NCOR2: variants seen among roughly 807,000 people sequenced by gnomAD.
NCOR2 encodes the protein nuclear receptor corepressor 2.
Under a neutral mutation model 262.9 loss-of-function variants are expected in NCOR2, and 81 were observed. The observed-to-expected ratio is 0.31, with a 90% CI of 0.26 to 0.37. The LOEUF is 0.37. Ranked by LOEUF, NCOR2 falls within the 10% of genes least tolerant of loss-of-function variation. The pLI is 1.00. For synonymous variants in NCOR2, 1,659 were observed against 1,559.3 expected, an observed-to-expected ratio of 1.06 and a Z score of -1.51; for missense variants, 3,385 against 3,621.4, an observed-to-expected ratio of 0.93 and a Z score of 1.68.
rs536397564 is a variant in NCOR2, at chr12:124,518,861, C to T, written c.-118+16704G>A. ...GCCGCACCTGCACCTCCAACCTGAG[C>T]GTAGCTCTGGCGCCTTGGCTCCGGC... On this transcript the variant is annotated intron_variant, in intron 1 of 46. Coordinates refer to the NCOR2 transcript ENST00000404621. Among the ~76,000 whole-genome samples the T allele has an allele frequency of 2.5e-4, 38 of 152,326 alleles. 1 individual carries two copies. In the South Asian group the frequency reaches 7.0e-3, roughly 28 times the overall value.
At chr12:124,391,872 C>T (rs2041331508) in intron 16 of NCOR2, among the ~76,000 whole-genome samples, 1 of 152,248 alleles carries the variant, frequency 6.6e-6, no homozygotes, top group South Asian at 2.1e-4. Flanking sequence ...TGCCACGTTA[C>T]ACCTTTCAAT....
At chr12:124,407,495 G>A (rs942398306) in intron 13 of NCOR2, among the ~76,000 whole-genome samples, 10 of 152,162 alleles carry the variant, frequency 6.6e-5, no homozygotes, top group African/African-American at 1.4e-4. Context: ...TTCTGAGGGC[G>A]GTGGGAGCCC....
intron 17 of NCOR2, among the ~76,000 whole-genome samples, chr12:124,384,036 AGGGGAGGCGG>A (rs752556440): frequency 5.1e-4 from 75 of 148,398 alleles, no homozygotes; most frequent in Admixed American, 8.7e-4. Flanking sequence ...AGCCCCAGAG[AGGGGAGGCGG>A]GGGGAGGAGA....
At chr12:124,373,065 G>A (rs2039628758) in intron 19 of NCOR2, among the ~76,000 whole-genome samples, 1 of 152,258 alleles carries the variant, frequency 6.6e-6, no homozygotes, top group Admixed American at 6.5e-5. Flanking sequence ...TGCAGAACGG[G>A]AGAACAATAG....
At position 124,335,010 on chromosome 12, in the gene NCOR2, G is replaced by A. The variant is rs1329834322; in HGVS notation, c.6411+125C>T. ...CACCCACGCCCTGGATCCCCCCAGC[G>A]CCATGCCCTGGATCCCCCAGCCACC... is the stretch of plus-strand genomic sequence containing the variant. On this transcript the variant is annotated intron_variant, in intron 40 of 46. Coordinates refer to ENST00000405201, the Ensembl canonical transcript of NCOR2. The A allele has an allele frequency of 1.2e-5, 18 of 1,443,914 alleles. No individual in the cohort carries two copies. The East Asian group carries it at 1.6e-4, about 13-fold the overall frequency. 89.4% of individuals were successfully genotyped at this position (1,443,914 alleles called of 1,614,324 possible). A position where few individuals can be genotyped will look rare whatever the true frequency, so the allele number is the denominator to read the frequency against.
intron 22 of NCOR2, among the ~76,000 whole-genome samples, chr12:124,359,071 G>A (rs2038274613): frequency 6.6e-6 from 1 of 152,224 alleles, no homozygotes; most frequent in Non-Finnish European, 1.5e-5. Flanking sequence ...TTTCAGGCCT[G>A]GGGAGATCCT....
At chr12:124,451,333 A>C (rs1044091943) in intron 6 of NCOR2, among the ~76,000 whole-genome samples, 1 of 152,224 alleles carries the variant, frequency 6.6e-6, no homozygotes, top group Non-Finnish European at 1.5e-5. Context: ...TGCTGCTTCA[A>C]GCCTCTAAAT....
At chr12:124,340,719 G>C (rs766988402) in exon 35 of NCOR2, 1 of 1,545,438 alleles carries the variant, frequency 6.5e-7, no homozygotes, top group African/African-American at 1.4e-5. Context: ...ACGAGCACAG[G>C]CAGGTGTGGC....
At chr12:124,380,990 C>T (rs898529026) in intron 17 of NCOR2, among the ~76,000 whole-genome samples, 8 of 152,300 alleles carry the variant, frequency 5.3e-5, no homozygotes, top group Middle Eastern at 3.4e-3. Context: ...TAAGCACCTA[C>T]TATGCGCCAA....
chr12:124,456,101 C>T (rs2045837120), intron 6 of NCOR2, among the ~76,000 whole-genome samples: 4 of 152,260 alleles, frequency 2.6e-5, no homozygotes, highest in Admixed American at 2.0e-4. Context: ...ATCTCAAATT[C>T]CTGGCTTCAT....
intron 17 of NCOR2, among the ~76,000 whole-genome samples, chr12:124,384,530 C>T (rs1234695421): frequency 2.0e-5 from 3 of 152,188 alleles, no homozygotes; most frequent in East Asian, 1.9e-4. Context: ...GCCCCTCGGT[C>T]CCGGAGCCAC....
At chr12:124,384,060 A>G (rs2040611844) in intron 17 of NCOR2, among the ~76,000 whole-genome samples, 1 of 152,044 alleles carries the variant, frequency 6.6e-6, no homozygotes. Context: ...GAGGAGAGAG[A>G]AAGTGAAAGG....
rs187023910 is a variant in NCOR2 at position 124,439,862 on chromosome 12, G to A, written c.816-1866C>T. On this transcript the variant is annotated intron_variant, in intron 7 of 46. Coordinates refer to ENST00000405201, the Ensembl canonical transcript of NCOR2. ...GGGGAGAGGGAAAGAGACAAGACCC[G>A]AAGAAAGGGGACAGGGACCCTGAGA... 2.8e-3 allele frequency among the ~76,000 whole-genome samples: 419 copies of A among 152,018 alleles called. 4 individuals are homozygous for A. The highest frequency in any genetic ancestry group is 9.3e-3 in the African/African-American group (387 of 41,466).
chr12:124,499,287 G>T (rs181668791), upstream of NCOR2, among the ~76,000 whole-genome samples: 1 of 152,112 alleles, frequency 6.6e-6, no homozygotes, highest in Admixed American at 6.5e-5. Context: ...GCCCCATGTC[G>T]CCGCTGCGTC....
At chr12:124,478,506 T>C (rs1315092606) in intron 3 of NCOR2, among the ~76,000 whole-genome samples, 1 of 151,350 alleles carries the variant, frequency 6.6e-6, no homozygotes, top group Non-Finnish European at 1.5e-5. Flanking sequence ...CACAGAAAAA[T>C]CCCATCAAAT....
exon 24 of NCOR2, chr12:124,355,480 AGAG>A: frequency 3.7e-6 from 6 of 1,612,562 alleles, no homozygotes; most frequent in South Asian, 2.2e-5. Flanking sequence ...GGTGCTTGGC[AGAG>A]GAGATGAGGG....
rs572565127 is a variant in NCOR2, at chr12:124,422,560, G to A, written c.1329-5C>T. 45 of 1,613,738 alleles carry A rather than the reference G, an allele frequency of 2.8e-5. No individual in the cohort carries two copies. Among genetic ancestry groups the A allele is most frequent in the South Asian group, 2.1e-4 (19 of 91,092 alleles). ...TTCTTGGGATGCTGCATGAACCTGC[G>A]GGACGAGAAGGGTGGGCGTGAGACC... is the stretch of plus-strand genomic sequence containing the variant. On this transcript the variant is annotated splice_polypyrimidine_tract_variant and splice_region_variant and intron_variant, in intron 11 of 46. Transcript: ENST00000405201.
At chr12:124,332,839 CAGCACACCT>C (rs2135751669) in intron 42 of NCOR2, among the ~76,000 whole-genome samples, 1 of 152,296 alleles carries the variant, frequency 6.6e-6, no homozygotes, top group East Asian at 1.9e-4. Context: ...CGGTCTGGCC[CAGCACACCT>C]AGCTCATTAT....
At chr12:124,511,308 C>T (rs1468555757) in intron 1 of NCOR2, among the ~76,000 whole-genome samples, 4 of 152,226 alleles carry the variant, frequency 2.6e-5, no homozygotes, top group African/African-American at 9.6e-5. Flanking sequence ...GAACTCTGAT[C>T]CCCACTCCTG....
Sources: allele counts gnomAD v4.1 joint callset (sites outside exome capture counted in the v4.1 genomes callset), GRCh38; gene constraint gnomAD v4.1.1; transcripts MANE v1.5; gene names NCBI Gene and HGNC (gene_info 2026-07-23, HGNC 2026-07-21).